The following DNAI3 variants were observed in gnomAD, a reference collection of about 807,000 sequenced individuals.
The protein encoded by DNAI3 is dynein axonemal intermediate chain 3, also known as WD repeat domain 63.
Under a neutral mutation model 115.5 loss-of-function variants are expected in DNAI3, and 83 were observed. The observed-to-expected ratio is 0.72, with a 90% CI of 0.60 to 0.86. The LOEUF is 0.86. DNAI3 is among the 40% of genes least tolerant of loss of function. DNAI3 has a pLI of 0.00. For synonymous variants in DNAI3, 320 were observed against 347.0 expected, an observed-to-expected ratio of 0.92 and a Z score of 0.86; for missense variants, 1,004 against 1,075.8, an observed-to-expected ratio of 0.93 and a Z score of 0.93.
intron 20 of DNAI3, among the ~76,000 whole-genome samples, chr1:85,127,694 A>G (rs1289338562): frequency 2.6e-5 from 4 of 152,222 alleles, no homozygotes; most frequent in Non-Finnish European, 4.4e-5. Context: ...GTGCCACCCA[A>G]GTATCTTTTC....
intron 3 of DNAI3, among the ~76,000 whole-genome samples, chr1:85,080,159 C>G (rs1406398098): frequency 1.4e-5 from 2 of 142,090 alleles, no homozygotes; most frequent in East Asian, 4.3e-4. Flanking sequence ...TAACACCATT[C>G]TCCTGCCTCA....
intron 9 of DNAI3, chr1:85,094,200 GTATATTTTATACTA>G (rs1655062639): frequency 1.8e-6 from 1 of 559,078 alleles, no homozygotes; most frequent in Non-Finnish European, 3.2e-6. Flanking sequence ...TGAGTCCCCT[GTATATTTTATACTA>G]ACAGTACATG....
At position 85,093,740 on chromosome 1, in the gene DNAI3, A is replaced by G. The variant is rs41289041; in HGVS notation, c.1048+92A>G. The G allele has an allele frequency of 4.3e-3, 6,286 of 1,459,614 alleles. 18 individuals are homozygous for G. Among genetic ancestry groups the G allele is most frequent in the Middle Eastern group, 0.01 (60 of 5,810 alleles). 90.4% of individuals were successfully genotyped at this position (1,459,614 alleles called of 1,614,324 possible). On this transcript the variant is annotated intron_variant, in intron 9 of 22. Coordinates refer to ENST00000294664, the MANE Select transcript of DNAI3 (RefSeq NM_145172.5). ...AAAATTGCAAACTAGTTCAATGTCAATAAGACACCTTCCATTTGCTCTGTA... is the reference window on the plus strand; with the variant it reads ...AAAATTGCAAACTAGTTCAATGTCAGTAAGACACCTTCCATTTGCTCTGTA...
intron 9 of DNAI3, 189 bp from the exon 10 acceptor site, chr1:85,094,242 G>A (rs974120131): frequency 1.9e-5 from 13 of 695,836 alleles, no homozygotes; most frequent in Non-Finnish European, 3.1e-5. Flanking sequence ...GGACCAGCCA[G>A]ATTTCAAGTG....
rs1655997149 is a variant in DNAI3, at chr1:85,121,636, A to G, written c.1918-115A>G. The G allele has an allele frequency of 5.4e-6, 5 of 927,882 alleles. No homozygotes were observed. In the Admixed American group the frequency reaches 9.3e-5, roughly 17 times the overall value. The allele number at this position is 927,882 out of a possible 1,614,324, so 57.5% of individuals were successfully genotyped here. A position where few individuals can be genotyped will look rare whatever the true frequency, so the allele number is the denominator to read the frequency against. ...CCACTGGATCAAATTACTTGATTAA[A>G]TTGACTTGTTGTTTTGCATTTGTTT... On this transcript the variant is annotated intron_variant, in intron 17 of 22. Coordinates refer to ENST00000294664, the MANE Select transcript of DNAI3 (RefSeq NM_145172.5).
chr1:85,067,498 ATTGT>A lies in DNAI3; in HGVS notation c.-14-4426_-14-4423del, dbSNP rs60281916. ...AAGAACAGGACACTTGTTTACTTTGATTGTTTGGGGGATGATTGTAAACTGATAC... is the reference window on the plus strand; with the variant it reads ...AAGAACAGGACACTTGTTTACTTTGATTGGGGGATGATTGTAAACTGATAC... On this transcript the variant is annotated intron_variant, in intron 1 of 22. Transcript: ENST00000294664. Among the ~76,000 whole-genome samples the A allele has an allele frequency of 3.7e-3, 559 of 152,332 alleles. 2 individuals carry two copies. The highest frequency in any genetic ancestry group is 0.013 in the African/African-American group (542 of 41,580).
At chr1:85,105,237 G>A (rs1334845650) in intron 14 of DNAI3, among the ~76,000 whole-genome samples, 2 of 152,144 alleles carry the variant, frequency 1.3e-5, no homozygotes, top group Non-Finnish European at 2.9e-5. Flanking sequence ...GATGTTAGTA[G>A]CAGCCATGGG....
intron 22 of DNAI3, 104 bp downstream of exon 22, chr1:85,130,216 C>A: frequency 6.6e-7 from 1 of 1,505,406 alleles, no homozygotes; most frequent in Non-Finnish European, 9.0e-7. Context: ...TACTTTTTCA[C>A]ATTCTTCTCT....
chr1:85,086,423 C>T (rs1654802852), intron 7 of DNAI3, among the ~76,000 whole-genome samples: 1 of 152,132 alleles, frequency 6.6e-6, no homozygotes, highest in Non-Finnish European at 1.5e-5. Flanking sequence ...TGGCTTTCAT[C>T]ACTTAAAAAA....
At chr1:85,101,711 G>A (rs142538945) in intron 13 of DNAI3, among the ~76,000 whole-genome samples, 3,526 of 107,284 alleles carry the variant, frequency 0.033, 84 homozygotes, top group East Asian at 0.09. Context: ...CTGGGCGACA[G>A]AGCGAGACTC....
rs775058650 is a variant in DNAI3 at position 85,095,977 on chromosome 1, C to T, written c.1220C>T (p.Pro407Leu). Residue 407 changes from proline (P) to leucine (L), a missense_variant, in exon 11 of 23, where the codon CCG (proline) becomes CTG (leucine). This residue lies in a region of DNAI3 where 550 missense variants were observed against 568.1 expected (regional missense o/e 0.97). Coordinates refer to ENST00000294664, the MANE Select transcript of DNAI3 (RefSeq NM_145172.5). ...GACATCTTCTGCTTCAAGTTCTGTC[C>T]GAGTGATCCTAATATCATTGCTGGA... is the stretch of plus-strand genomic sequence containing the variant. ...PDDIFCFKFC[P>L]SDPNIIAGGC... 41 of 1,613,696 alleles carry T rather than the reference C, an allele frequency of 2.5e-5. No homozygotes were observed. The highest frequency in any genetic ancestry group is 1.6e-4 in the Middle Eastern group (1 of 6,082).
rs550597230 is a variant in DNAI3 at position 85,071,816 on chromosome 1, A to T, written c.-14-112A>T. ...GATACAGGTTGATTTAGCCCAGGGT[A>T]AATCTTAGAAAACATATTCTTATGT... On this transcript the variant is annotated intron_variant, in intron 1 of 22. Coordinates refer to ENST00000294664, the MANE Select transcript of DNAI3 (RefSeq NM_145172.5). 2.8e-5 allele frequency: 30 copies of T among 1,081,424 alleles called. No individual in the cohort carries two copies. The African/African-American group carries it at 4.2e-4, about 15-fold the overall frequency. 67.0% of individuals were successfully genotyped at this position (1,081,424 alleles called of 1,614,324 possible).
intron 13 of DNAI3, 68 bp downstream of exon 13, chr1:85,098,726 A>G: frequency 6.3e-7 from 1 of 1,576,462 alleles, no homozygotes; most frequent in Non-Finnish European, 8.6e-7. Flanking sequence ...TGCAAAGAAG[A>G]TGTTTCAAGT....
At chr1:85,083,482 G>A (rs1415067129) in intron 5 of DNAI3, among the ~76,000 whole-genome samples, 1 of 151,488 alleles carries the variant, frequency 6.6e-6, no homozygotes, top group African/African-American at 2.4e-5. Flanking sequence ...GTGAGACCCT[G>A]TCTCAAAAAG....
intron 15 of DNAI3, among the ~76,000 whole-genome samples, chr1:85,109,724 G>A (rs1655596600): frequency 6.6e-6 from 1 of 152,136 alleles, no homozygotes; most frequent in Non-Finnish European, 1.5e-5. Flanking sequence ...AGGGTAACAA[G>A]TAATTATTTT....
At position 85,108,029 on chromosome 1, in the gene DNAI3, T is replaced by A; in HGVS notation, c.1554-4T>A. ...AATAAAAAATATATATAAATTTTTT[T>A]TAGCACAATATGTTTTTGGGATATT... On this transcript the variant is annotated splice_region_variant and splice_polypyrimidine_tract_variant and intron_variant, in intron 14 of 22. Transcript: ENST00000294664. The A allele has an allele frequency of 6.5e-7, 1 of 1,533,482 alleles. No homozygotes were observed. Among genetic ancestry groups the A allele is most frequent in the Non-Finnish European group, 8.7e-7 (1 of 1,146,502 alleles). 95.0% of individuals were successfully genotyped at this position (1,533,482 alleles called of 1,614,324 possible).
intron 11 of DNAI3, among the ~76,000 whole-genome samples, chr1:85,097,013 T>G (rs1217956587): frequency 6.6e-6 from 1 of 152,176 alleles, no homozygotes; most frequent in Non-Finnish European, 1.5e-5. Context: ...TGTTAAAACT[T>G]TAGTGTACTG....
At position 85,126,684 on chromosome 1, in the gene DNAI3, G is replaced by A; in HGVS notation, c.2286G>A (p.Met762Ile). ...PAQSQNICIT[M>I]ITYIKPWIFS... The stretch of plus-strand genomic sequence containing the variant: ...AGTCTCAAAACATTTGCATAACTAT[G>A]ATCACCTACATCAAACCCTGGATCT... Residue 762 changes from methionine to isoleucine, a missense_variant, in exon 20 of 23, where the codon ATG (methionine) becomes ATA (isoleucine). Met to Ile is a conservative substitution (Grantham distance 10). Transcript: ENST00000294664. The A allele has an allele frequency of 6.2e-7, 1 of 1,614,108 alleles. No homozygotes were observed. Among genetic ancestry groups the A allele is most frequent in the East Asian group, 2.2e-5 (1 of 44,880 alleles).
intron 3 of DNAI3, among the ~76,000 whole-genome samples, chr1:85,076,162 T>A (rs931062281): frequency 6.6e-6 from 1 of 152,192 alleles, no homozygotes; most frequent in Non-Finnish European, 1.5e-5. Context: ...CTTTGAGTCA[T>A]TCTCTATGAC....
Sources: gnomAD v4.1 joint callset for allele counts (sites outside exome capture counted in the v4.1 genomes callset) on GRCh38, gnomAD v4.1.1 for gene constraint, gnomAD v4.1.1 regional missense constraint, MANE v1.5 for transcripts, NCBI Gene and HGNC (gene_info 2026-07-23, HGNC 2026-07-21) for gene names.